The following ABLIM1 variants were observed in gnomAD, a reference collection of about 807,000 sequenced individuals.
ABLIM1 encodes actin binding LIM protein 1.
ABLIM1 carries 40 observed loss-of-function variants against 107.0 expected under a neutral mutation model. The observed-to-expected ratio is 0.37, with a 90% CI of 0.29 to 0.49. The LOEUF (loss-of-function observed/expected upper bound fraction) is 0.49, where lower values mean the gene tolerates loss of function less well. Ranked by LOEUF, ABLIM1 falls within the 20% of genes least tolerant of loss-of-function variation. The pLI is 0.97. For missense variants in ABLIM1, 857 were observed against 1,008.5 expected, an observed-to-expected ratio of 0.85 and a Z score of 2.04; for synonymous variants, 357 against 357.3, an observed-to-expected ratio of 1.00 and a Z score of 0.01.
intron 12 of ABLIM1, among the ~76,000 whole-genome samples, chr10:114,454,104 A>C (rs1348864658): frequency 1.3e-5 from 2 of 152,136 alleles, no homozygotes; most frequent in Admixed American, 1.3e-4. Flanking sequence ...ACGACCATTT[A>C]TACCTCTCCC....
At chr10:114,786,360 A>G in the ABLIM1 span, among the ~76,000 whole-genome samples, 1 of 152,214 alleles carries the variant, frequency 6.6e-6, no homozygotes, top group Non-Finnish European at 1.5e-5. Flanking sequence ...AAATATCCAT[A>G]AAGTATAAAA....
At chr10:114,787,065 G>C in the ABLIM1 span, among the ~76,000 whole-genome samples, 1 of 151,696 alleles carries the variant, frequency 6.6e-6, no homozygotes, top group Non-Finnish European at 1.5e-5. Flanking sequence ...CCTCTTCCCT[G>C]CCGCCATCCC....
At chr10:114,463,457 A>G (rs1032182764) in intron 12 of ABLIM1, among the ~76,000 whole-genome samples, 3 of 152,178 alleles carry the variant, frequency 2.0e-5, no homozygotes, top group Non-Finnish European at 2.9e-5. Context: ...AGCCAGTAGC[A>G]GGCACGTCAT....
At position 114,448,172 on chromosome 10, in the gene ABLIM1, G is replaced by GA. The variant is rs1425974721; in HGVS notation, c.1595-153dup. On this transcript the variant is annotated intron_variant, in intron 14 of 22. Transcript: ENST00000533213. ...CCATTATCCATGGCCCAGTCACTCA[G>GA]AGGTACCTATTGACAAGTCAACTCA... is the stretch of plus-strand genomic sequence containing the variant. 1.9e-5 allele frequency: 18 copies of GA among 947,452 alleles called. No homozygotes were observed. In the Admixed American group the frequency reaches 3.8e-4, roughly 20 times the overall value. The allele number at this position is 947,452 out of a possible 1,614,324, so 58.7% of individuals were successfully genotyped here.
rs567541024 is a variant in ABLIM1 at position 114,547,416 on chromosome 10, A to G, written c.800+234T>C. ...TAATGACATACAGTGTAACAGTGTC[A>G]GCTTCATTAATTGTTAAATTAGGCA... On this transcript the variant is annotated intron_variant, in intron 5 of 22. Transcript: ENST00000533213. 4 of 547,372 alleles carry G rather than the reference A, an allele frequency of 7.3e-6. 1 individual carries two copies. The highest frequency in any genetic ancestry group is 7.1e-5 in the South Asian group (3 of 42,310). The allele number at this position is 547,372 out of a possible 1,614,324, so 33.9% of individuals were successfully genotyped here.
At chr10:114,453,504 A>G in intron 12 of ABLIM1, 21 bp from the exon 13 acceptor site, 1 of 1,513,042 alleles carries the variant, frequency 6.6e-7, no homozygotes, top group Non-Finnish European at 8.9e-7. Flanking sequence ...AAGAATGGAA[A>G]AAACAAAATG....
intron 6 of ABLIM1, chr10:114,526,640 T>C (rs2064804197): frequency 1.0e-5 from 10 of 985,388 alleles, no homozygotes; most frequent in Non-Finnish European, 1.2e-5. Flanking sequence ...ATAGGTCACC[T>C]TGTGCAATGT....
At chr10:114,786,339 A>C in the ABLIM1 span, among the ~76,000 whole-genome samples, 3 of 152,204 alleles carry the variant, frequency 2.0e-5, no homozygotes, top group Admixed American at 6.5e-5. Flanking sequence ...GAAAAGCTAC[A>C]AAATACCTCA....
intron 1 of ABLIM1, among the ~76,000 whole-genome samples, chr10:114,739,552 G>T (rs891871749): frequency 6.6e-6 from 1 of 152,102 alleles, no homozygotes; most frequent in Non-Finnish European, 1.5e-5. Context: ...CTGGTATGTA[G>T]AACCATTGAG....
In ABLIM1 at chr10:114,435,812, CA is replaced by C. The variant is rs2059314818; in HGVS notation, c.*447del. ...ACTGCCACCCCATGGACAGACCCCT[CA>C]CTCTTCCTTCTTAGCCGCAGCGCTA... is the stretch of plus-strand genomic sequence containing the variant. On this transcript the variant is annotated 3_prime_UTR_variant, in exon 23 of 23. Transcript: ENST00000533213. 1 of 155,058 alleles carries C rather than the reference CA, an allele frequency of 6.4e-6. No individual in the cohort carries two copies. The allele number at this position is 155,058 out of a possible 1,614,324, so 9.6% of individuals were successfully genotyped here.
chr10:114,734,565 T>G (rs928308858), intron 1 of ABLIM1, among the ~76,000 whole-genome samples: 2 of 152,156 alleles, frequency 1.3e-5, no homozygotes, highest in African/African-American at 4.8e-5. Flanking sequence ...ACCCTCTGTT[T>G]TCCAAATCCT....
rs1015818429 is a variant in ABLIM1 at position 114,491,981 on chromosome 10, A to C, written c.895-103T>G. 3.0e-6 allele frequency: 3 copies of C among 984,902 alleles called. No individual in the cohort carries two copies. The African/African-American group carries it at 4.9e-5, about 16-fold the overall frequency. The allele number at this position is 984,902 out of a possible 1,614,324, so 61.0% of individuals were successfully genotyped here. ...AGAAGAAAAGAGAGGATGCTGAAAA[A>C]GGAAAAATAATTGTCTAATTGACCA... On this transcript the variant is annotated intron_variant, in intron 6 of 22. Coordinates refer to ENST00000533213, the MANE Select transcript of ABLIM1 (RefSeq NM_002313.7).
exon 1 of ABLIM1, chr10:114,684,489 G>C (rs1591822632): frequency 4.2e-6 from 6 of 1,444,898 alleles, no homozygotes; most frequent in Admixed American, 2.6e-5. Context: ...CCCGAGGGAG[G>C]GGTGTGCCAC....
At chr10:114,612,791 G>A (rs1376999536) in intron 1 of ABLIM1, among the ~76,000 whole-genome samples, 1 of 152,184 alleles carries the variant, frequency 6.6e-6, no homozygotes, top group East Asian at 1.9e-4. Context: ...GAGGGATTGT[G>A]GTCCCATCTG....
intron 1 of ABLIM1, among the ~76,000 whole-genome samples, chr10:114,742,938 T>A (rs1467757615): frequency 1.3e-5 from 2 of 152,044 alleles, no homozygotes; most frequent in South Asian, 2.1e-4. Flanking sequence ...AATAAAAAAA[T>A]AAAAATCTAC....
chr10:114,439,825 G>A (rs1441332424), intron 20 of ABLIM1: 4 of 549,628 alleles, frequency 7.3e-6, no homozygotes, highest in Non-Finnish European at 1.3e-5. Context: ...CCACCCCAGA[G>A]AGGACTCTCC....
At chr10:114,476,646 A>AAATAAGAATAATAATAATAAT (rs1555068641) in intron 8 of ABLIM1, among the ~76,000 whole-genome samples, 2 of 143,284 alleles carry the variant, frequency 1.4e-5, no homozygotes, top group African/African-American at 5.2e-5. Context: ...CTCTGCCTCA[A>AAATAAGAATAATAATAATAAT]AATAATAATA....
intron 1 of ABLIM1, among the ~76,000 whole-genome samples, chr10:114,621,534 C>T (rs190719405): frequency 6.6e-6 from 1 of 152,302 alleles, no homozygotes; most frequent in Admixed American, 6.5e-5. Flanking sequence ...CAAACACCAT[C>T]CCCAACATTA....
the ABLIM1 span, among the ~76,000 whole-genome samples, chr10:114,776,815 A>G: frequency 2.6e-5 from 4 of 152,070 alleles, no homozygotes; most frequent in African/African-American, 9.7e-5. Flanking sequence ...GCAGGGTCCA[A>G]CTATGTTGCC....
Sources: gnomAD v4.1 joint callset for allele counts (sites outside exome capture counted in the v4.1 genomes callset) on GRCh38, gnomAD v4.1.1 for gene constraint, MANE v1.5 for transcripts, NCBI Gene and HGNC (gene_info 2026-07-23, HGNC 2026-07-21) for gene names.